Variants in CYYR1 observed in about 807,000 individuals in gnomAD.
CYYR1 encodes the protein cysteine and tyrosine rich 1.
Under a neutral mutation model 15.2 loss-of-function variants are expected in CYYR1, and 14 were observed. The observed-to-expected ratio is 0.92, with a 90% confidence interval of 0.61 to 1.44. The LOEUF is 1.44. Among genes scored for constraint, CYYR1 ranks in the 40% most tolerant of loss-of-function variants. CYYR1 has a pLI of 0.00. For synonymous variants in CYYR1, 80 were observed against 77.4 expected (o/e 1.03, Z -0.18); for missense variants, 228 against 209.5 (o/e 1.09, Z -0.54).
chr21:26,545,043 A>T (rs949243489), intron 2 of CYYR1, among the ~76,000 whole-genome samples: 1 of 152,242 alleles, frequency 6.6e-6, no homozygotes, highest in African/African-American at 2.4e-5. Context: ...ATCATTTCAG[A>T]GTAGATTAAA....
In CYYR1 at chr21:26,468,223, T is replaced by C. The variant is rs1009006767; in HGVS notation, c.*278A>G. 1.4e-4 allele frequency: 59 copies of C among 419,352 alleles called. 1 individual carries two copies. Among genetic ancestry groups the C allele is most frequent in the Non-Finnish European group, 4.0e-5 (9 of 225,034 alleles). The allele number at this position is 419,352 out of a possible 1,614,324, so 26.0% of individuals were successfully genotyped here. A position where few individuals can be genotyped will look rare whatever the true frequency, so the allele number is the denominator to read the frequency against. ...GCCCTTAAACAACATGATTATCAGA[T>C]ATTTTGTCAATTACATTACTCTTCC... is the stretch of plus-strand genomic sequence containing the variant. On this transcript the variant is annotated 3_prime_UTR_variant, in exon 4 of 4. Transcript: ENST00000652641.
intron 1 of CYYR1, chr21:26,569,089 A>G (rs1055337964): frequency 4.6e-5 from 7 of 152,194 alleles, no homozygotes; most frequent in African/African-American, 1.7e-4. Flanking sequence ...TGGGGTATCT[A>G]TCTAAAGGGA....
chr21:26,477,933 A>G (rs2065124722), intron 3 of CYYR1: 2 of 1,319,936 alleles, frequency 1.5e-6, no homozygotes, highest in Non-Finnish European at 1.9e-6. Context: ...ATTGCATGTT[A>G]CTTTTGTAGT....
At chr21:26,511,224 G>A (rs570797447) in intron 2 of CYYR1, among the ~76,000 whole-genome samples, 7 of 152,128 alleles carry the variant, frequency 4.6e-5, no homozygotes, top group African/African-American at 1.7e-4. Context: ...CTTGCCACTG[G>A]TATCTGTGTT....
chr21:26,514,916 A>G (rs2065702794), intron 2 of CYYR1, among the ~76,000 whole-genome samples: 1 of 152,350 alleles, frequency 6.6e-6, no homozygotes, highest in Middle Eastern at 3.4e-3. Context: ...TCCCACCGCT[A>G]TATCATACTT....
chr21:26,478,529 A>G (rs2065131662), intron 3 of CYYR1, among the ~76,000 whole-genome samples: 1 of 152,154 alleles, frequency 6.6e-6, no homozygotes, highest in Non-Finnish European at 1.5e-5. Flanking sequence ...AGGCCTCAGT[A>G]AAGAATCTGC....
intron 2 of CYYR1, among the ~76,000 whole-genome samples, chr21:26,504,310 A>G (rs1365877326): frequency 1.3e-5 from 2 of 151,854 alleles, no homozygotes; most frequent in Non-Finnish European, 2.9e-5. Flanking sequence ...TTGCCCTGTC[A>G]CCCAGGCTGG....
intron 2 of CYYR1, among the ~76,000 whole-genome samples, chr21:26,555,533 G>A (rs1308405632): frequency 6.6e-6 from 1 of 152,114 alleles, no homozygotes. Flanking sequence ...CCAGATTTGT[G>A]CAAAGGCATA....
At chr21:26,544,570 T>G (rs1601814249) in intron 2 of CYYR1, among the ~76,000 whole-genome samples, 1 of 152,286 alleles carries the variant, frequency 6.6e-6, no homozygotes, top group Admixed American at 6.5e-5. Flanking sequence ...AGAACTAAAT[T>G]TCACAAACTC....
chr21:26,567,743 T>C (rs901773194), intron 1 of CYYR1, among the ~76,000 whole-genome samples: 8 of 152,102 alleles, frequency 5.3e-5, no homozygotes, highest in African/African-American at 1.9e-4. Flanking sequence ...ATACAAAATA[T>C]TATATTTATG....
chr21:26,534,642 A>G (rs1215403776), intron 2 of CYYR1, among the ~76,000 whole-genome samples: 2 of 152,126 alleles, frequency 1.3e-5, no homozygotes, highest in Admixed American at 6.6e-5. Context: ...ACTCTCATGG[A>G]CATCCTCTTC....
chr21:26,468,750 C>T, intron 3 of CYYR1, 116 bp from the exon 4 acceptor site: 1 of 773,068 alleles, frequency 1.3e-6, no homozygotes, highest in Non-Finnish European at 2.1e-6. Context: ...CTGCAAAAAT[C>T]TTAGTTTTAT....
At position 26,480,627 on chromosome 21, in the gene CYYR1, A is replaced by G. The variant is rs546396167; in HGVS notation, c.177-198T>C. Among the ~76,000 whole-genome samples the G allele has an allele frequency of 7.2e-5, 11 of 152,034 alleles. No homozygotes were observed. In the South Asian group the frequency reaches 2.1e-3, roughly 29 times the overall value. ...TAAAGCAAATAGTCTGTATTTCAATAGATATGAAAAAGTTATAAAAATCCT... is the reference window on the plus strand; with the variant it reads ...TAAAGCAAATAGTCTGTATTTCAATGGATATGAAAAAGTTATAAAAATCCT... On this transcript the variant is annotated intron_variant, in intron 2 of 3. Coordinates refer to ENST00000652641, the MANE Select transcript of CYYR1 (RefSeq NM_001320768.2).
chr21:26,548,646 G>T (rs534084774), intron 2 of CYYR1, among the ~76,000 whole-genome samples: 1 of 152,306 alleles, frequency 6.6e-6, no homozygotes, highest in East Asian at 1.9e-4. Flanking sequence ...ACCAAGCCCG[G>T]CCAGTATGGG....
intron 2 of CYYR1, among the ~76,000 whole-genome samples, chr21:26,535,700 A>T (rs146625806): frequency 6.6e-6 from 1 of 152,132 alleles, no homozygotes; most frequent in Non-Finnish European, 1.5e-5. Context: ...GCTCTTTTCC[A>T]TACCTGTGCT....
chr21:26,530,269 C>A (rs1403904937), intron 2 of CYYR1, among the ~76,000 whole-genome samples: 1 of 151,852 alleles, frequency 6.6e-6, no homozygotes, highest in African/African-American at 2.4e-5. Flanking sequence ...TAAATATATA[C>A]TTTTTAATTT....
chr21:26,529,061 A>C (rs1161162674), intron 2 of CYYR1, among the ~76,000 whole-genome samples: 1 of 152,194 alleles, frequency 6.6e-6, no homozygotes. Context: ...TGACTCTTAC[A>C]CTGATACTTT....
chr21:26,543,210 A>G (rs1038162857), intron 2 of CYYR1, among the ~76,000 whole-genome samples: 1 of 152,292 alleles, frequency 6.6e-6, no homozygotes, highest in Non-Finnish European at 1.5e-5. Flanking sequence ...GAGGAAGAGC[A>G]GTAGGAAAAA....
intron 2 of CYYR1, among the ~76,000 whole-genome samples, chr21:26,525,747 T>C (rs955561851): frequency 1.3e-5 from 2 of 152,206 alleles, no homozygotes; most frequent in African/African-American, 2.4e-5. Context: ...CTATAGTCAT[T>C]GCCTACATGT....
Sources: allele counts gnomAD v4.1 joint callset (sites outside exome capture counted in the v4.1 genomes callset), GRCh38; gene constraint gnomAD v4.1.1; transcripts MANE v1.5; gene names NCBI Gene and HGNC (gene_info 2026-07-23, HGNC 2026-07-21).